The following PITPNC1 variants were observed in gnomAD, a reference collection of about 807,000 sequenced individuals.
The protein encoded by PITPNC1 is phosphatidylinositol transfer protein cytoplasmic 1, also known as cytoplasmic phosphatidylinositol transfer protein 1.
Under a neutral mutation model 44.7 loss-of-function variants are expected in PITPNC1, and 18 were observed. The ratio of observed to expected loss-of-function variants is 0.40; its 90% CI spans 0.28 to 0.60. The LOEUF is 0.60. Among genes scored for constraint, PITPNC1 ranks in the 20% least tolerant of loss-of-function variants. The pLI is 0.39. For missense variants in PITPNC1, 290 were observed against 418.4 expected, an observed-to-expected ratio of 0.69 and a Z score of 2.68; for synonymous variants, 141 against 149.6, an observed-to-expected ratio of 0.94 and a Z score of 0.42.
chr17:67,406,354 G>T (rs1190438847), intron 1 of PITPNC1, among the ~76,000 whole-genome samples: 1 of 152,024 alleles, frequency 6.6e-6, no homozygotes, highest in African/African-American at 2.4e-5. Context: ...CGTATCCATT[G>T]GCGGTCACTC....
chr17:67,618,349 A>G (rs1431945424), intron 5 of PITPNC1, among the ~76,000 whole-genome samples: 1 of 115,906 alleles, frequency 8.6e-6, no homozygotes, highest in Non-Finnish European at 1.6e-5. Flanking sequence ...TGGGTGAGAG[A>G]GCGAGACTCC....
chr17:67,498,444 A>G (rs897846344), intron 1 of PITPNC1, among the ~76,000 whole-genome samples: 1 of 152,196 alleles, frequency 6.6e-6, no homozygotes, highest in East Asian at 1.9e-4. Context: ...GCATTCACCT[A>G]TTCATGAACA....
At chr17:67,394,669 C>T (rs548996321) in intron 1 of PITPNC1, among the ~76,000 whole-genome samples, 6 of 152,066 alleles carry the variant, frequency 3.9e-5, no homozygotes, top group East Asian at 2.0e-4. Flanking sequence ...TTTGGGAGGC[C>T]GAGGCGGGTG....
At chr17:67,379,240 T>G (rs1181201342) in intron 1 of PITPNC1, 1 of 985,646 alleles carries the variant, frequency 1.0e-6, no homozygotes, top group African/African-American at 1.7e-5. Context: ...GTCTTTATAT[T>G]TAAATCTGGT....
chr17:67,387,991 A>G (rs1286023145), intron 1 of PITPNC1, among the ~76,000 whole-genome samples: 1 of 152,242 alleles, frequency 6.6e-6, no homozygotes, highest in Admixed American at 6.5e-5. Context: ...CATACTGGAC[A>G]GTGCAGGTCT....
chr17:67,398,652 G>C (rs947552408), intron 1 of PITPNC1, among the ~76,000 whole-genome samples: 7 of 151,920 alleles, frequency 4.6e-5, no homozygotes, highest in Non-Finnish European at 7.4e-5. Flanking sequence ...TAATGGATCA[G>C]ACCAGCAGCA....
intron 2 of PITPNC1, among the ~76,000 whole-genome samples, chr17:67,535,442 C>A (rs2040514828): frequency 6.6e-6 from 1 of 152,164 alleles, no homozygotes; most frequent in African/African-American, 2.4e-5. Context: ...CAAGTTATTA[C>A]CTGGAGAATG....
intron 6 of PITPNC1, among the ~76,000 whole-genome samples, chr17:67,650,139 A>G (rs569063144): frequency 6.6e-6 from 1 of 152,188 alleles, no homozygotes; most frequent in Non-Finnish European, 1.5e-5. Flanking sequence ...CTTGTTATGC[A>G]TCCCAAAAGT....
At chr17:67,634,521 G>A (rs932789129) in intron 6 of PITPNC1, among the ~76,000 whole-genome samples, 1 of 151,944 alleles carries the variant, frequency 6.6e-6, no homozygotes, top group Non-Finnish European at 1.5e-5. Context: ...ACAACAGAGT[G>A]AGAAACTGTC....
chr17:67,448,832 T>TC (rs776790055), intron 1 of PITPNC1, among the ~76,000 whole-genome samples: 7 of 152,212 alleles, frequency 4.6e-5, no homozygotes, highest in Non-Finnish European at 1.0e-4. Context: ...CAGGCTGGAG[T>TC]GCAGTGGCAC....
At chr17:67,412,691 C>G (rs997244671) in intron 1 of PITPNC1, among the ~76,000 whole-genome samples, 6 of 152,078 alleles carry the variant, frequency 3.9e-5, no homozygotes, top group Non-Finnish European at 8.8e-5. Flanking sequence ...CTCAGCCTCC[C>G]GAGAAGCTGG....
At chr17:67,674,764 G>A (rs1424534891) in intron 7 of PITPNC1, among the ~76,000 whole-genome samples, 2 of 151,984 alleles carry the variant, frequency 1.3e-5, no homozygotes, top group African/African-American at 4.8e-5. Flanking sequence ...CTGTGATCCC[G>A]GCAGTTTGGG....
At chr17:67,468,998 C>G (rs546599756) in intron 1 of PITPNC1, among the ~76,000 whole-genome samples, 1 of 152,140 alleles carries the variant, frequency 6.6e-6, no homozygotes, top group Non-Finnish European at 1.5e-5. Context: ...CAAAGTGTTG[C>G]AATTACAGGA....
intron 1 of PITPNC1, among the ~76,000 whole-genome samples, chr17:67,451,382 A>G (rs12952713): frequency 0.33 from 50,050 of 151,864 alleles, 9,117 homozygotes; most frequent in African/African-American, 0.49. Context: ...GTGTAAAATG[A>G]ATAAGTTTCA....
intron 1 of PITPNC1, among the ~76,000 whole-genome samples, chr17:67,529,784 TA>T (rs2040436505): frequency 6.6e-6 from 1 of 152,084 alleles, no homozygotes; most frequent in Non-Finnish European, 1.5e-5. Flanking sequence ...CCGTCTCTAC[TA>T]AAAATATAAA....
At chr17:67,406,619 C>T (rs1013602022) in intron 1 of PITPNC1, among the ~76,000 whole-genome samples, 3 of 150,222 alleles carry the variant, frequency 2.0e-5, no homozygotes, top group African/African-American at 7.4e-5. Context: ...TAAAGTCTCG[C>T]TCTGTCTAGC....
chr17:67,627,858 T>C (rs1421642447), intron 5 of PITPNC1, among the ~76,000 whole-genome samples: 4 of 152,166 alleles, frequency 2.6e-5, no homozygotes. Context: ...CATAATGTTC[T>C]TAAAGCAACA....
chr17:67,595,420 C>A (rs1169683167), intron 5 of PITPNC1, among the ~76,000 whole-genome samples: 1 of 151,902 alleles, frequency 6.6e-6, no homozygotes, highest in Admixed American at 6.6e-5. Context: ...ATCTGATACA[C>A]CTTCAAGGAC....
intron 1 of PITPNC1, among the ~76,000 whole-genome samples, chr17:67,442,204 C>CATGTATATATATATATATATAT (rs1178533056): frequency 1.8e-5 from 1 of 54,218 alleles, no homozygotes; most frequent in African/African-American, 5.0e-5. Flanking sequence ...GGAAAATAAG[C>CATGTATATATATATATATATAT]ATATATATAT....
Sources: allele counts gnomAD v4.1 joint callset (sites outside exome capture counted in the v4.1 genomes callset), GRCh38; gene constraint gnomAD v4.1.1; transcripts MANE v1.5; gene names NCBI Gene and HGNC (gene_info 2026-07-23, HGNC 2026-07-21).